SEZ6L: variants seen among roughly 807,000 people sequenced by gnomAD.
The protein encoded by SEZ6L is seizure 6-like protein.
Under a neutral mutation model 106.2 loss-of-function variants are expected in SEZ6L, and 37 were observed. The observed-to-expected ratio is 0.35, with a 90% confidence interval of 0.27 to 0.46. The LOEUF (loss-of-function observed/expected upper bound fraction) is 0.46, where lower values mean the gene tolerates loss of function less well. Among genes scored for constraint, SEZ6L ranks in the 20% least tolerant of loss-of-function variants. SEZ6L has a pLI of 1.00. For synonymous variants in SEZ6L, 541 were observed against 570.4 expected, an observed-to-expected ratio of 0.95 and a Z score of 0.73; for missense variants, 1,172 against 1,332.8, an observed-to-expected ratio of 0.88 and a Z score of 1.88.
At chr22:26,360,704 C>G (rs946597864) in intron 12 of SEZ6L, among the ~76,000 whole-genome samples, 2 of 152,172 alleles carry the variant, frequency 1.3e-5, no homozygotes, top group African/African-American at 4.8e-5. Context: ...TGAGGCTTCT[C>G]CTGTGCGCTT....
Position 26,383,069 on chromosome 22 carries a change from C to CTTTTTTT in SEZ6L, c.*2786_*2792dup, listed in dbSNP as rs35749592. ...CTTTAGCTTGGAGCTCAGCTTTTTG[C>CTTTTTTT]TTTTTTTTTTTTTTTTTTGTAGAAT... On this transcript the variant is annotated 3_prime_UTR_variant, in exon 17 of 17. Transcript: ENST00000248933. The CTTTTTTT allele has an allele frequency of 6.7e-5, 8 of 119,654 alleles. No homozygotes were observed. The highest frequency in any genetic ancestry group is 9.4e-5 in the African/African-American group (3 of 31,964). 7.4% of individuals were successfully genotyped at this position (119,654 alleles called of 1,614,324 possible). A position where few individuals can be genotyped will look rare whatever the true frequency, so the allele number is the denominator to read the frequency against.
intron 5 of SEZ6L, among the ~76,000 whole-genome samples, chr22:26,299,728 A>T (rs960868083): frequency 6.6e-6 from 1 of 152,226 alleles, no homozygotes; most frequent in African/African-American, 2.4e-5. Flanking sequence ...TTTATTCGTT[A>T]GTAGACATTT....
chr22:26,214,342 C>T (rs2145709542), intron 1 of SEZ6L, among the ~76,000 whole-genome samples: 1 of 152,254 alleles, frequency 6.6e-6, no homozygotes, highest in South Asian at 2.1e-4. Context: ...GAAGTAGATG[C>T]ATGTGAAGTA....
chr22:26,187,837 A>T (rs561181746), intron 1 of SEZ6L, among the ~76,000 whole-genome samples: 17 of 152,198 alleles, frequency 1.1e-4, no homozygotes, highest in Non-Finnish European at 2.1e-4. Flanking sequence ...TGAACTATAA[A>T]AATGTGCTTG....
At chr22:26,247,803 A>G (rs2079413394) in intron 1 of SEZ6L, among the ~76,000 whole-genome samples, 2 of 152,220 alleles carry the variant, frequency 1.3e-5, no homozygotes, top group Admixed American at 1.3e-4. Flanking sequence ...TTGTGATGAT[A>G]TAGCGGAAAT....
At chr22:26,377,175 C>T (rs996139816) in intron 15 of SEZ6L, among the ~76,000 whole-genome samples, 3 of 152,002 alleles carry the variant, frequency 2.0e-5, no homozygotes, top group Admixed American at 1.3e-4. Flanking sequence ...TGGTGGTGCA[C>T]GCAGGTAGGA....
chr22:26,294,541 C>T, intron 3 of SEZ6L, 116 bp downstream of exon 3: 1 of 1,032,732 alleles, frequency 9.7e-7, no homozygotes, highest in Non-Finnish European at 1.4e-6. Context: ...TTTGCCCAAC[C>T]AGGCCAACTT....
Position 26,310,706 on chromosome 22 carries a change from T to C in SEZ6L, c.1551T>C (p.Ala517=). The change falls in exon 7 of 17, where the codon GCT becomes GCC. Residue 517 remains alanine, a synonymous_variant. Transcript: ENST00000248933. The part of the protein sequence containing the change: ...TVHSGQTNKS[A]LLYDSLQTES... ...ACAGCGGGCAGACCAACAAGTCAGCTCTTCTCTACGACTCCCTTCAAACCG... is the reference window on the plus strand; with the variant it reads ...ACAGCGGGCAGACCAACAAGTCAGCCCTTCTCTACGACTCCCTTCAAACCG... 1 of 1,614,102 alleles carries C rather than the reference T, an allele frequency of 6.2e-7. No individual in the cohort carries two copies. Among genetic ancestry groups the C allele is most frequent in the Non-Finnish European group, 8.5e-7 (1 of 1,180,020 alleles).
intron 1 of SEZ6L, among the ~76,000 whole-genome samples, chr22:26,183,410 G>A (rs1601966179): frequency 6.6e-6 from 1 of 152,202 alleles, no homozygotes; most frequent in South Asian, 2.1e-4. Flanking sequence ...GATGACTTCC[G>A]GGCAGGGGGC....
At chr22:26,288,736 T>C (rs568228091) in intron 1 of SEZ6L, among the ~76,000 whole-genome samples, 3 of 152,354 alleles carry the variant, frequency 2.0e-5, no homozygotes, top group Admixed American at 2.0e-4. Flanking sequence ...GCAATCACAA[T>C]TAAAACATTA....
intron 5 of SEZ6L, among the ~76,000 whole-genome samples, chr22:26,300,787 C>A (rs970783396): frequency 1.3e-5 from 2 of 152,168 alleles, no homozygotes; most frequent in Non-Finnish European, 2.9e-5. Flanking sequence ...TAAAAGTGTT[C>A]TTATTTCCAT....
At chr22:26,272,865 C>T (rs796916480) in intron 1 of SEZ6L, among the ~76,000 whole-genome samples, 10 of 152,350 alleles carry the variant, frequency 6.6e-5, no homozygotes, top group African/African-American at 2.4e-4. Context: ...CCAGACCCAT[C>T]AACCTCTCTC....
rs759215584 is a variant in SEZ6L at position 26,299,054 on chromosome 22, A to G, written c.1233A>G (p.Ser411=). Residue 411 remains serine (S), a synonymous_variant, in exon 5 of 17, where the codon TCA becomes TCG. Coordinates refer to ENST00000248933, the MANE Select transcript of SEZ6L (RefSeq NM_021115.5). ...SGDVTVMDLH[S]GGVAHFHCHL... is the part of the protein sequence containing the mutation. ...ATGTCACGGTGATGGACCTGCACTCAGGTGGGGTGGCCCACTTTCACTGCC... is the reference window on the plus strand; with the variant it reads ...ATGTCACGGTGATGGACCTGCACTCGGGTGGGGTGGCCCACTTTCACTGCC... 2 of 1,607,922 alleles carry G rather than the reference A, an allele frequency of 1.2e-6. No individual in the cohort carries two copies. The highest frequency in any genetic ancestry group is 2.7e-5 in the African/African-American group (2 of 74,592).
chr22:26,272,202 A>C (rs752876471), intron 1 of SEZ6L, among the ~76,000 whole-genome samples: 2 of 152,210 alleles, frequency 1.3e-5, no homozygotes, highest in Non-Finnish European at 2.9e-5. Context: ...TGTGATGGAA[A>C]TGTTTTGCAT....
chr22:26,289,067 T>C lies in SEZ6L; in HGVS notation c.95-3339T>C, dbSNP rs1007518101. Among the ~76,000 whole-genome samples, 4 of 152,256 alleles carry C rather than the reference T, an allele frequency of 2.6e-5. No homozygotes were observed. In the East Asian group the frequency reaches 5.8e-4, roughly 22 times the overall value. ...CTGAGCTAGAAAGGCCCTTCTTTCA[T>C]ATGCAGTCTGGCTGCCCATTTGACA... On this transcript the variant is annotated intron_variant, in intron 1 of 16. Transcript: ENST00000248933.
chr22:26,377,869 C>A, intron 16 of SEZ6L, 94 bp downstream of exon 16: 1 of 958,640 alleles, frequency 1.0e-6, no homozygotes, highest in Non-Finnish European at 1.7e-6. Context: ...CTATTGCTCA[C>A]AAGAGGCACA....
At chr22:26,215,534 T>G (rs1239247771) in intron 1 of SEZ6L, among the ~76,000 whole-genome samples, 1 of 151,934 alleles carries the variant, frequency 6.6e-6, no homozygotes, top group African/African-American at 2.4e-5. Flanking sequence ...AGATCCCTAA[T>G]GGAGACTCAG....
chr22:26,306,996 A>T (rs1265720003), intron 6 of SEZ6L, among the ~76,000 whole-genome samples: 1 of 152,174 alleles, frequency 6.6e-6, no homozygotes, highest in African/African-American at 2.4e-5. Context: ...TGATCCTAGT[A>T]AGCACTAGGA....
intron 1 of SEZ6L, among the ~76,000 whole-genome samples, chr22:26,214,500 GA>G (rs920245111): frequency 2.6e-4 from 40 of 152,176 alleles, no homozygotes; most frequent in African/African-American, 9.7e-4. Flanking sequence ...GAAGAGGGAA[GA>G]AAAAACTTTA....
Sources: allele counts gnomAD v4.1 joint callset (sites outside exome capture counted in the v4.1 genomes callset), GRCh38; gene constraint gnomAD v4.1.1; transcripts MANE v1.5; gene names NCBI Gene and HGNC (gene_info 2026-07-23, HGNC 2026-07-21).